Variants in RFT1 observed in about 807,000 individuals in gnomAD.
The protein encoded by RFT1 is RFT1 glycolipid translocator homolog.
In RFT1, 43 loss-of-function variants were observed where a neutral mutation model predicts 62.2. That is an observed-to-expected ratio of 0.69 (90% CI 0.54 to 0.89). RFT1 has a LOEUF of 0.89. Ranked by LOEUF, RFT1 falls within the 40% of genes least tolerant of loss-of-function variation. RFT1 has a pLI of 0.00. For synonymous variants in RFT1, 262 were observed against 264.6 expected, an observed-to-expected ratio of 0.99 and a Z score of 0.10; for missense variants, 605 against 649.9, an observed-to-expected ratio of 0.93 and a Z score of 0.75.
chr3:53,082,870 C>T, the RFT1 span, among the ~76,000 whole-genome samples: 1,879 of 152,206 alleles, frequency 0.012, 35 homozygotes, highest in African/African-American at 0.041. Flanking sequence ...ATGAAATACA[C>T]ATGAAGCAAA....
intron 1 of RFT1, among the ~76,000 whole-genome samples, chr3:53,126,784 T>C (rs1338004757): frequency 1.3e-5 from 2 of 151,898 alleles, no homozygotes; most frequent in Non-Finnish European, 2.9e-5. Flanking sequence ...TTAAACAGGG[T>C]TGCTAAATGG....
chr3:53,115,322 C>CTT, intron 6 of RFT1, among the ~76,000 whole-genome samples: 1 of 152,100 alleles, frequency 6.6e-6, no homozygotes, highest in Admixed American at 6.6e-5. Flanking sequence ...AGTCCTGTCT[C>CTT]ATGGAGCCAG....
the RFT1 span, among the ~76,000 whole-genome samples, chr3:53,083,125 T>C: frequency 2.3e-5 from 3 of 132,994 alleles, no homozygotes; most frequent in African/African-American, 8.5e-5. Flanking sequence ...CACTTGAGCC[T>C]GGGAGGCAGA....
chr3:53,095,963 C>A (rs568904197), intron 11 of RFT1, among the ~76,000 whole-genome samples: 1 of 152,278 alleles, frequency 6.6e-6, no homozygotes, highest in African/African-American at 2.4e-5. Flanking sequence ...GACAAAGGAG[C>A]TGTCAATCTT....
the RFT1 span, among the ~76,000 whole-genome samples, chr3:53,078,870 T>C: frequency 7.9e-5 from 12 of 152,154 alleles, no homozygotes; most frequent in African/African-American, 2.9e-4. Context: ...CCCAAAGAAC[T>C]GCTGAACCCC....
chr3:53,080,360 C>G, the RFT1 span, among the ~76,000 whole-genome samples: 7 of 152,206 alleles, frequency 4.6e-5, no homozygotes, highest in Non-Finnish European at 1.0e-4. Flanking sequence ...CATCCAGATG[C>G]CTGGCTCTGC....
At chr3:53,101,025 C>T (rs1405104276) in intron 10 of RFT1, among the ~76,000 whole-genome samples, 1 of 152,128 alleles carries the variant, frequency 6.6e-6, no homozygotes, top group Admixed American at 6.5e-5. Flanking sequence ...TCCGGAGTCT[C>T]AGAATCTGGA....
At chr3:53,099,516 G>A in intron 10 of RFT1, 30 bp from the exon 11 acceptor site, 1 of 1,574,862 alleles carries the variant, frequency 6.3e-7, no homozygotes, top group Non-Finnish European at 8.7e-7. Context: ...TGAGACTCCA[G>A]AGCCCAATCA....
the RFT1 span, among the ~76,000 whole-genome samples, chr3:53,080,026 C>T: frequency 6.6e-6 from 1 of 152,140 alleles, no homozygotes; most frequent in South Asian, 2.1e-4. Flanking sequence ...CCACCCAACA[C>T]ATGGCAGGGC....
chr3:53,092,770 G>T, intron 11 of RFT1, 152 bp from the exon 12 acceptor site: 1 of 878,614 alleles, frequency 1.1e-6, no homozygotes, highest in Non-Finnish European at 1.8e-6. Context: ...GGAGACCATG[G>T]GAATGTCCCT....
At chr3:53,075,994 C>T in the RFT1 span, among the ~76,000 whole-genome samples, 1 of 152,140 alleles carries the variant, frequency 6.6e-6, no homozygotes, top group African/African-American at 2.4e-5. Context: ...CTCCGATCTG[C>T]CTGGGTGGGG....
At chr3:53,116,910 T>A (rs1432749436) in intron 6 of RFT1, among the ~76,000 whole-genome samples, 1 of 152,198 alleles carries the variant, frequency 6.6e-6, no homozygotes, top group Non-Finnish European at 1.5e-5. Flanking sequence ...GGCTTCTTTT[T>A]AAAATAATAA....
At position 53,103,945 on chromosome 3, in the gene RFT1, G is replaced by T. The variant is rs1243352219; in HGVS notation, c.1102+8C>A. ...TCAGAAAAAATCCAGAAAAACTCTTGTGCGTACCGGATCCTGAGCTAAGCA... is the reference window on the plus strand; with the variant it reads ...TCAGAAAAAATCCAGAAAAACTCTTTTGCGTACCGGATCCTGAGCTAAGCA... On this transcript the variant is annotated splice_region_variant and intron_variant, in intron 10 of 12. Coordinates refer to ENST00000296292, the MANE Select transcript of RFT1 (RefSeq NM_052859.4). 6.2e-7 allele frequency: 1 copy of T among 1,614,148 alleles called. No homozygotes were observed.
chr3:53,117,267 C>T (rs191384483), intron 6 of RFT1, among the ~76,000 whole-genome samples: 3 of 152,320 alleles, frequency 2.0e-5, no homozygotes, highest in Admixed American at 2.0e-4. Flanking sequence ...GTAAATGGCT[C>T]TTTGTCAAGG....
chr3:53,121,605 A>T, intron 5 of RFT1, 94 bp downstream of exon 5: 1 of 951,946 alleles, frequency 1.1e-6, no homozygotes, highest in Non-Finnish European at 1.7e-6. Flanking sequence ...AGGCATGGGT[A>T]CTGTGAATGC....
At chr3:53,119,386 T>C (rs904389115) in intron 6 of RFT1, among the ~76,000 whole-genome samples, 1 of 152,232 alleles carries the variant, frequency 6.6e-6, no homozygotes, top group African/African-American at 2.4e-5. Context: ...GTCCTCACTC[T>C]GACCCTCACC....
intron 10 of RFT1, 188 bp downstream of exon 10, chr3:53,103,765 G>A (rs1046693109): frequency 4.2e-5 from 29 of 694,890 alleles, no homozygotes; most frequent in Admixed American, 3.6e-4. Flanking sequence ...TGGCGCCAAC[G>A]CCCCTGCCTA....
chr3:53,111,857 A>C lies in RFT1; in HGVS notation c.748T>G (p.Ser250Ala), dbSNP rs1701662402. 4 of 1,614,102 alleles carry C rather than the reference A, an allele frequency of 2.5e-6. No individual in the cohort carries two copies. The highest frequency in any genetic ancestry group is 3.4e-6 in the Non-Finnish European group (4 of 1,179,952). ...AKLTWSFFKQ[S>A]FLKQILTEGE... The stretch of plus-strand genomic sequence containing the variant: ...TCTGTCAAAATCTGTTTCAAGAAAG[A>C]CTGTTTGAAAAAACTCCAAGTCAGT... The change falls in exon 7 of 13, where the codon TCT (serine) becomes GCT (alanine). Residue 250 changes from serine (S) to alanine (A), a missense_variant. Physicochemically the swap from Ser to Ala is moderately conservative, Grantham distance 99 (BLOSUM62 1). Coordinates refer to ENST00000296292, the MANE Select transcript of RFT1 (RefSeq NM_052859.4).
Position 53,125,908 on chromosome 3 carries a change from C to A in RFT1, c.149+1G>T. The A allele has an allele frequency of 1.2e-6, 2 of 1,612,568 alleles. No homozygotes were observed. Among genetic ancestry groups the A allele is most frequent in the Non-Finnish European group, 1.7e-6 (2 of 1,178,828 alleles). On this transcript the variant is annotated splice_donor_variant, in intron 2 of 12. Coordinates refer to ENST00000296292, the MANE Select transcript of RFT1 (RefSeq NM_052859.4). LOFTEE classifies it high-confidence loss of function. ...CAGTGCCAGGGTGCATCTCCTCCTACCTTACATTTACTACGCCAACGATTT... is the reference window on the plus strand; with the variant it reads ...CAGTGCCAGGGTGCATCTCCTCCTAACTTACATTTACTACGCCAACGATTT...
Sources: allele counts gnomAD v4.1 joint callset (sites outside exome capture counted in the v4.1 genomes callset), GRCh38; gene constraint gnomAD v4.1.1; transcripts MANE v1.5; gene names NCBI Gene and HGNC (gene_info 2026-07-23, HGNC 2026-07-21).